The following ARHGAP10 variants were observed in gnomAD, a reference collection of about 807,000 sequenced individuals.
ARHGAP10 encodes the protein rho GTPase-activating protein 10.
A neutral mutation model predicts 108.6 loss-of-function variants in ARHGAP10; 87 were observed. That is an observed-to-expected ratio of 0.80 (90% CI 0.67 to 0.96). The LOEUF (loss-of-function observed/expected upper bound fraction) is 0.96. Among genes scored for constraint, ARHGAP10 ranks in the 40% least tolerant of loss-of-function variants. The pLI, the probability that ARHGAP10 is intolerant of heterozygous loss-of-function variation, is 0.00. For missense variants in ARHGAP10, 939 were observed against 954.5 expected (o/e 0.98, Z 0.21); for synonymous variants, 347 against 341.1 (o/e 1.02, Z -0.19).
At chr4:147,995,920 T>C (rs1740456398) in intron 18 of ARHGAP10, among the ~76,000 whole-genome samples, 1 of 152,180 alleles carries the variant, frequency 6.6e-6, no homozygotes, top group South Asian at 2.1e-4. Flanking sequence ...GGTTTCACCA[T>C]GTCAGCCAGG....
intron 6 of ARHGAP10, chr4:147,866,259 C>T (rs1381589386): frequency 6.5e-6 from 1 of 153,270 alleles, no homozygotes; most frequent in Non-Finnish European, 1.5e-5. Flanking sequence ...GAGGCTGCCC[C>T]TGGCAAGTCA....
chr4:147,856,570 A>C (rs750907502), intron 4 of ARHGAP10, among the ~76,000 whole-genome samples: 12 of 152,230 alleles, frequency 7.9e-5, no homozygotes, highest in Non-Finnish European at 1.5e-4. Flanking sequence ...AATTATTAAA[A>C]ATATTGTATA....
At chr4:147,909,862 G>GAGTAAGCTCCCAGCAAC in intron 12 of ARHGAP10, 85 bp downstream of exon 12, 1 of 1,358,268 alleles carries the variant, frequency 7.4e-7, no homozygotes, top group Non-Finnish European at 1.0e-6. Flanking sequence ...CTGTTGCTGG[G>GAGTAAGCTCCCAGCAAC]AGCTTACTCT....
At chr4:147,920,421 CAAA>C (rs992662212) in intron 13 of ARHGAP10, among the ~76,000 whole-genome samples, 1 of 150,222 alleles carries the variant, frequency 6.7e-6, no homozygotes, top group African/African-American at 2.5e-5. Flanking sequence ...GAAACAAAAA[CAAA>C]AAACCCAAAA....
chr4:147,799,364 TTA>T (rs1414662313), intron 1 of ARHGAP10, among the ~76,000 whole-genome samples: 1 of 152,178 alleles, frequency 6.6e-6, no homozygotes, highest in Admixed American at 6.5e-5. Context: ...TTAAATCTGT[TTA>T]TGTCTTTTAC....
intron 3 of ARHGAP10, among the ~76,000 whole-genome samples, chr4:147,846,431 A>G (rs1345362486): frequency 2.0e-5 from 3 of 152,170 alleles, no homozygotes; most frequent in Non-Finnish European, 2.9e-5. Context: ...TCTCACCACT[A>G]TATTGTTACT....
chr4:147,950,069 GAACGACATTATGA>G, intron 15 of ARHGAP10, among the ~76,000 whole-genome samples: 1 of 152,066 alleles, frequency 6.6e-6, no homozygotes, highest in Admixed American at 6.6e-5. Flanking sequence ...ATTGCCTACA[GAACGACATTATGA>G]AATGTTATTA....
intron 7 of ARHGAP10, among the ~76,000 whole-genome samples, chr4:147,870,873 G>A (rs143298069): frequency 1.3e-5 from 2 of 151,530 alleles, no homozygotes; most frequent in Non-Finnish European, 2.9e-5. Context: ...TAAGAATATG[G>A]GCAAAATATT....
chr4:147,827,521 G>C (rs542120164), intron 3 of ARHGAP10, among the ~76,000 whole-genome samples: 1 of 152,162 alleles, frequency 6.6e-6, no homozygotes. Flanking sequence ...TAGAGTTTGT[G>C]GGGTGGAGAC....
intron 1 of ARHGAP10, among the ~76,000 whole-genome samples, chr4:147,750,189 A>G (rs1304951321): frequency 1.3e-5 from 2 of 152,204 alleles, no homozygotes; most frequent in African/African-American, 4.8e-5. Context: ...TCTCGGTTTA[A>G]TGTATGCAGT....
chr4:147,982,543 A>AT (rs1739855019), intron 18 of ARHGAP10, among the ~76,000 whole-genome samples: 1 of 123,966 alleles, frequency 8.1e-6, no homozygotes, highest in Non-Finnish European at 1.6e-5. Flanking sequence ...CACCCAGCTA[A>AT]ATCTTTTTTT....
rs150623025 is a variant in ARHGAP10 at position 147,996,226 on chromosome 4, A to G, written c.1717-27037A>G. Reference sequence around the variant, plus strand: ...AATAGCTAGGATATGGCCTATGGAAACCTCTATCATAAACACCCAGAGTTA... The same window carrying G: ...AATAGCTAGGATATGGCCTATGGAAGCCTCTATCATAAACACCCAGAGTTA... On this transcript the variant is annotated intron_variant, in intron 18 of 22. Transcript: ENST00000336498. 5.8e-3 allele frequency among the ~76,000 whole-genome samples: 884 copies of G among 152,334 alleles called. 3 individuals are homozygous for G. The highest frequency in any genetic ancestry group is 0.02 in the Middle Eastern group (6 of 294).
chr4:147,867,799 G>T (rs1227050621), intron 7 of ARHGAP10, among the ~76,000 whole-genome samples: 1 of 150,078 alleles, frequency 6.7e-6, no homozygotes, highest in Non-Finnish European at 1.5e-5. Flanking sequence ...GGGAGGTGGA[G>T]GTTGCAGTGA....
chr4:147,884,388 T>C (rs948153448), intron 10 of ARHGAP10, among the ~76,000 whole-genome samples: 1 of 152,176 alleles, frequency 6.6e-6, no homozygotes, highest in Non-Finnish European at 1.5e-5. Flanking sequence ...TCTATTCTAG[T>C]GGTTTTCAAG....
chr4:147,886,156 C>G (rs768797113), intron 10 of ARHGAP10, among the ~76,000 whole-genome samples: 18 of 152,280 alleles, frequency 1.2e-4, no homozygotes, highest in Non-Finnish European at 2.1e-4. Flanking sequence ...TGCAAATATT[C>G]TAAAATCCAA....
chr4:147,846,033 G>C (rs1733617575), intron 3 of ARHGAP10, among the ~76,000 whole-genome samples: 1 of 152,104 alleles, frequency 6.6e-6, no homozygotes, highest in Non-Finnish European at 1.5e-5. Flanking sequence ...CTTTCTTTTA[G>C]AGCTTTGTTG....
At chr4:148,043,993 G>C (rs1728767802) in intron 19 of ARHGAP10, among the ~76,000 whole-genome samples, 1 of 151,884 alleles carries the variant, frequency 6.6e-6, no homozygotes, top group Admixed American at 6.6e-5. Flanking sequence ...GCTCATTCCT[G>C]AACAGTGAAG....
intron 3 of ARHGAP10, among the ~76,000 whole-genome samples, chr4:147,842,247 A>G (rs1733444480): frequency 6.6e-6 from 1 of 152,064 alleles, no homozygotes; most frequent in Non-Finnish European, 1.5e-5. Context: ...TGAAACCCTT[A>G]TATTCTTTTT....
chr4:148,036,099 T>C lies in ARHGAP10; in HGVS notation c.1868-10793T>C, dbSNP rs1243135707. On this transcript the variant is annotated intron_variant, in intron 19 of 22. Transcript: ENST00000336498. ...GTGTGTGTGTGTGTGTGTGTGTGTG[T>C]GTGTGTATACTTTTCCAGTTAAGGA... 2.6e-5 allele frequency among the ~76,000 whole-genome samples: 4 copies of C among 152,012 alleles called. No individual in the cohort carries two copies. In the East Asian group the frequency reaches 7.7e-4, roughly 29 times the overall value.
Sources: gnomAD v4.1 joint callset for allele counts (sites outside exome capture counted in the v4.1 genomes callset) on GRCh38, gnomAD v4.1.1 for gene constraint, MANE v1.5 for transcripts, NCBI Gene and HGNC (gene_info 2026-07-23, HGNC 2026-07-21) for gene names.